The following RHCE variants were observed in gnomAD, a reference collection of about 807,000 sequenced individuals.
RHCE encodes blood group Rh(CE) polypeptide.
A neutral mutation model predicts 43.8 loss-of-function variants in RHCE; 22 were observed. The observed-to-expected ratio is 0.50, with a 90% CI of 0.36 to 0.72. The LOEUF (loss-of-function observed/expected upper bound fraction) is 0.72, where lower values mean the gene tolerates loss of function less well. RHCE is among the 30% of genes least tolerant of loss of function. The pLI is 0.00. For missense variants in RHCE, 385 were observed against 525.4 expected, an observed-to-expected ratio of 0.73 and a Z score of 2.61; for synonymous variants, 156 against 210.7, an observed-to-expected ratio of 0.74 and a Z score of 2.25.
chr1:25,377,039 G>A (rs1270594523), intron 7 of RHCE, among the ~76,000 whole-genome samples: 3 of 152,162 alleles, frequency 2.0e-5, no homozygotes, highest in East Asian at 1.9e-4. Flanking sequence ...CCCCCCTTCC[G>A]TGTGGCAAGC....
intron 3 of RHCE, among the ~76,000 whole-genome samples, chr1:25,396,243 T>C (rs1186518893): frequency 1.3e-5 from 2 of 152,240 alleles, no homozygotes; most frequent in African/African-American, 2.4e-5. Flanking sequence ...CTGTTCCAGA[T>C]TGATGGAATT....
chr1:25,425,739 CT>C (rs1384780656), upstream of RHCE, among the ~76,000 whole-genome samples: 3 of 152,310 alleles, frequency 2.0e-5, no homozygotes, highest in Admixed American at 1.3e-4. Context: ...GTAATCATGA[CT>C]TTTCTGTAAA....
In RHCE at chr1:25,375,417, T is replaced by C. The variant is rs1015288358; in HGVS notation, c.1085A>G (p.Gln362Arg). The change falls in exon 8 of 10, where the codon CAG becomes CGG. Residue 362 changes from glutamine (Q) to arginine (R), a missense_variant. Coordinates refer to ENST00000294413, the MANE Select transcript of RHCE (RefSeq NM_020485.8). ...VWNGNGMIGFQVLLSIGELSL... is the reference protein window; with the variant it reads ...VWNGNGMIGFRVLLSIGELSL... ...GAGTTCCCCAATGCTGAGGAGGACC[T>C]GGAAGCCAATCCTAGAAATGACAAA... 6.2e-7 allele frequency: 1 copy of C among 1,613,858 alleles called. No homozygotes were observed. Among genetic ancestry groups the C allele is most frequent in the African/African-American group, 1.3e-5 (1 of 74,910 alleles).
intron 7 of RHCE, among the ~76,000 whole-genome samples, chr1:25,375,944 C>G (rs894296661): frequency 6.6e-6 from 1 of 151,056 alleles, no homozygotes; most frequent in Non-Finnish European, 1.5e-5. Flanking sequence ...GCATGCGCCA[C>G]CATACCTGGA....
At chr1:25,383,264 G>A (rs985159151) in intron 7 of RHCE, among the ~76,000 whole-genome samples, 1 of 152,234 alleles carries the variant, frequency 6.6e-6, no homozygotes, top group Non-Finnish European at 1.5e-5. Flanking sequence ...ATCTGACTCA[G>A]TCACATATGC....
At position 25,362,596 on chromosome 1, in the gene RHCE, A is replaced by ATAC. The variant is rs754715308; in HGVS notation, c.1228-46_1228-44dup. The ATAC allele has an allele frequency of 3.0e-5, 41 of 1,388,372 alleles. No individual in the cohort carries two copies. In the African/African-American group the frequency reaches 5.8e-4, roughly 20 times the overall value. 86.0% of individuals were successfully genotyped at this position (1,388,372 alleles called of 1,614,324 possible). On this transcript the variant is annotated intron_variant, in intron 9 of 9. Coordinates refer to ENST00000294413, the MANE Select transcript of RHCE (RefSeq NM_020485.8). ...ACATTTTTATTGCAGATGAACCCAC[A>ATAC]TACTGATTTTGGCTTGATCTCTTGA...
chr1:25,400,332 A>G (rs532273748), intron 3 of RHCE, among the ~76,000 whole-genome samples: 12 of 152,238 alleles, frequency 7.9e-5, no homozygotes, highest in African/African-American at 2.9e-4. Context: ...TCCAATGGCT[A>G]CTTCCCAGCC....
At chr1:25,370,936 T>A (rs1036528691) in intron 8 of RHCE, among the ~76,000 whole-genome samples, 1 of 147,482 alleles carries the variant, frequency 6.8e-6, no homozygotes, top group African/African-American at 2.5e-5. Flanking sequence ...TTTTTTTTTT[T>A]AGTAGGATGG....
intron 8 of RHCE, among the ~76,000 whole-genome samples, chr1:25,373,854 A>G (rs1188080994): frequency 6.8e-6 from 1 of 147,348 alleles, no homozygotes; most frequent in Admixed American, 6.8e-5. Flanking sequence ...TTTTTTTGAG[A>G]CAGTCTCACT....
chr1:25,385,913 C>T (rs1239609218), intron 6 of RHCE, 69 bp from the exon 7 acceptor site: 4 of 1,612,126 alleles, frequency 2.5e-6, no homozygotes, highest in East Asian at 2.2e-5. Flanking sequence ...CCCTTTCACA[C>T]ACCCTTGGTA....
At chr1:25,376,417 G>T (rs191173363) in intron 7 of RHCE, among the ~76,000 whole-genome samples, 1 of 152,288 alleles carries the variant, frequency 6.6e-6, no homozygotes, top group Non-Finnish European at 1.5e-5. Flanking sequence ...CTCAACAGGT[G>T]GGCAGCTCAT....
At chr1:25,422,896 A>G (rs2042777707), upstream of RHCE, among the ~76,000 whole-genome samples, 1 of 152,116 alleles carries the variant, frequency 6.6e-6, no homozygotes, top group Admixed American at 6.5e-5. Flanking sequence ...GGTTCCCAAT[A>G]GGGTTTGTGC....
At chr1:25,418,016 GTTTATT>G (rs1319965937) in intron 1 of RHCE, among the ~76,000 whole-genome samples, 10 of 152,148 alleles carry the variant, frequency 6.6e-5, no homozygotes, top group African/African-American at 2.4e-4. Context: ...CTGCTTCCCT[GTTTATT>G]TTTATTTATT....
At position 25,392,089 on chromosome 1, in the gene RHCE, C is replaced by G; in HGVS notation, c.539G>C (p.Gly180Ala). ...RHFYVFAAYFGLTVAWCLPKP... is the reference protein window; with the variant it reads ...RHFYVFAAYFALTVAWCLPKP... ...TGGCAGGCACCAGGCCACAGTCAGC[C>G]CAAAATAGGCTGCGAACACGTAGAA... The change falls in exon 4 of 10, where the codon GGG (glycine) becomes GCG (alanine). Residue 180 changes from glycine to alanine, a missense_variant. Around this residue, in one of 6 missense-constraint regions of RHCE, gnomAD observed 110 missense variants for 103.4 expected, o/e 1.06. Transcript: ENST00000294413. The G allele has an allele frequency of 6.2e-7, 1 of 1,614,146 alleles. No individual in the cohort carries two copies. Among genetic ancestry groups the G allele is most frequent in the Non-Finnish European group, 8.5e-7 (1 of 1,180,032 alleles).
exon 1 of RHCE, chr1:25,430,162 C>T (rs1224730584): frequency 6.6e-6 from 1 of 151,980 alleles, no homozygotes; most frequent in South Asian, 2.1e-4. Flanking sequence ...ACGTGGAGCC[C>T]GGGCCGCACC....
intron 7 of RHCE, among the ~76,000 whole-genome samples, chr1:25,381,678 G>A (rs1391780042): frequency 8.6e-5 from 13 of 151,622 alleles, no homozygotes; most frequent in African/African-American, 1.2e-4. Context: ...GGCTGGTCTC[G>A]AACTCCTGAC....
intron 3 of RHCE, among the ~76,000 whole-genome samples, chr1:25,401,940 G>A (rs182053979): frequency 1.1e-4 from 16 of 151,796 alleles, no homozygotes; most frequent in Non-Finnish European, 1.3e-4. Flanking sequence ...GCAATGGCGC[G>A]ATCTCAGTTC....
chr1:25,389,957 C>T (rs929789272), intron 5 of RHCE, among the ~76,000 whole-genome samples: 5 of 152,256 alleles, frequency 3.3e-5, no homozygotes, highest in African/African-American at 1.2e-4. Flanking sequence ...CACCATGGAA[C>T]TCATGGCCAC....
At chr1:25,413,333 A>C (rs1571916396) in intron 1 of RHCE, among the ~76,000 whole-genome samples, 2 of 151,534 alleles carry the variant, frequency 1.3e-5, no homozygotes, top group Admixed American at 6.6e-5. Flanking sequence ...GCCCATTTCC[A>C]CCCGTCCATT....
Sources: allele counts gnomAD v4.1 joint callset (sites outside exome capture counted in the v4.1 genomes callset), GRCh38; gene constraint gnomAD v4.1.1; regional missense constraint gnomAD v4.1.1; transcripts MANE v1.5; gene names NCBI Gene and HGNC (gene_info 2026-07-23, HGNC 2026-07-21).